The following ZNF709 variants were observed in gnomAD, a reference collection of about 807,000 sequenced individuals.
ZNF709 encodes the protein zinc finger protein 709.
Under a neutral mutation model 10.6 loss-of-function variants are expected in ZNF709, and 15 were observed. The observed-to-expected ratio is 1.41, with a 90% CI of 0.95 to 2.18. The LOEUF (loss-of-function observed/expected upper bound fraction) is 2.18. Among genes scored for constraint, ZNF709 ranks in the 30% most tolerant of loss-of-function variants. The pLI, the probability that ZNF709 is intolerant of heterozygous loss-of-function variation, is 0.00. For missense variants in ZNF709, 589 were observed against 774.0 expected (o/e 0.76, Z 2.84); for synonymous variants, 194 against 238.8 (o/e 0.81, Z 1.73).
chr19:12,478,609 G>A (rs1406942527), intron 1 of ZNF709, among the ~76,000 whole-genome samples: 3 of 152,200 alleles, frequency 2.0e-5, no homozygotes, highest in African/African-American at 4.8e-5. Flanking sequence ...TAATAACAGC[G>A]TGGAGAACAG....
intron 1 of ZNF709, among the ~76,000 whole-genome samples, chr19:12,474,034 C>T (rs1040047596): frequency 3.0e-4 from 45 of 152,094 alleles, no homozygotes; most frequent in East Asian, 1.9e-4. Context: ...TAATGGGGCA[C>T]GATCCCATCT....
chr19:12,477,765 T>C (rs1970688507), intron 1 of ZNF709, among the ~76,000 whole-genome samples: 1 of 152,214 alleles, frequency 6.6e-6, no homozygotes, highest in Admixed American at 6.5e-5. Context: ...TGGGTCAAAT[T>C]GTGGACCTCT....
Position 12,466,461 on chromosome 19 carries a change from C to A in ZNF709, c.188+1G>T. ...TATTTTCTTTTGTAAGTACAACTCA[C>A]CTTAGCTTTCTCCCCTGATTTTTGT... On this transcript the variant is annotated splice_donor_variant, in intron 3 of 3. Transcript: ENST00000397732. LOFTEE classifies it high-confidence loss of function. The A allele has an allele frequency of 1.2e-6, 2 of 1,613,850 alleles. No individual in the cohort carries two copies. Among genetic ancestry groups the A allele is most frequent in the Non-Finnish European group, 1.7e-6 (2 of 1,179,862 alleles).
chr19:12,469,724 G>A lies in ZNF709; in HGVS notation c.4-2874C>T, dbSNP rs140807687. 5.9e-3 allele frequency among the ~76,000 whole-genome samples: 894 copies of A among 152,022 alleles called. 7 individuals carry two copies. The highest frequency in any genetic ancestry group is 0.021 in the African/African-American group (851 of 41,428). ...GCAGAGCTTGCAGTGAGCCGAGATCGCACCACTGCACTCCAGCCTGGGTGA... is the reference window on the plus strand; with the variant it reads ...GCAGAGCTTGCAGTGAGCCGAGATCACACCACTGCACTCCAGCCTGGGTGA... On this transcript the variant is annotated intron_variant, in intron 1 of 3. Coordinates refer to ENST00000397732, the MANE Select transcript of ZNF709 (RefSeq NM_152601.4).
chr19:12,474,660 G>A (rs1436682759), intron 1 of ZNF709, among the ~76,000 whole-genome samples: 1 of 152,074 alleles, frequency 6.6e-6, no homozygotes, highest in Non-Finnish European at 1.5e-5. Context: ...AGTATACCAA[G>A]GTTCCCTTTT....
rs533353732 is a variant in ZNF709 at position 12,465,798 on chromosome 19, TATTG to T, written c.189-69_189-66del. 1,502 of 1,238,708 alleles carry T rather than the reference TATTG, an allele frequency of 1.2e-3. 3 individuals are homozygous for T. In the East Asian group the frequency reaches 0.013, roughly 10 times the overall value. The allele number at this position is 1,238,708 out of a possible 1,614,324, so 76.7% of individuals were successfully genotyped here. ...TTTTTAAAATTAATAATTTTATAATTATTGATTATTTCACAATCATTAGTAGGTA... is the reference window on the plus strand; with the variant it reads ...TTTTTAAAATTAATAATTTTATAATTATTATTTCACAATCATTAGTAGGTA... On this transcript the variant is annotated intron_variant, in intron 3 of 3. Transcript: ENST00000397732.
In ZNF709 at chr19:12,461,658, TAA is replaced by T. The variant is rs1041673176; in HGVS notation, c.*2336_*2337del. 2 of 152,196 alleles carry T rather than the reference TAA, an allele frequency of 1.3e-5. No homozygotes were observed. Among genetic ancestry groups the T allele is most frequent in the African/African-American group, 4.8e-5 (2 of 41,456 alleles). The allele number at this position is 152,196 out of a possible 1,614,324, so 9.4% of individuals were successfully genotyped here. A position where few individuals can be genotyped will look rare whatever the true frequency, so the allele number is the denominator to read the frequency against. On this transcript the variant is annotated 3_prime_UTR_variant, in exon 4 of 4. Coordinates refer to ENST00000397732, the MANE Select transcript of ZNF709 (RefSeq NM_152601.4). ...GAGCATCAGAGAATATTCCCAACCT[TAA>T]GAGTCTAAATGGTTGCCTGGTGGAC...
chr19:12,475,621 A>G (rs1970670227), intron 1 of ZNF709, among the ~76,000 whole-genome samples: 1 of 152,176 alleles, frequency 6.6e-6, no homozygotes, highest in Non-Finnish European at 1.5e-5. Flanking sequence ...GTGAGAAAAT[A>G]GATGCTTTCC....
Position 12,466,831 on chromosome 19 carries a change from T to G in ZNF709, c.23A>C (p.Asp8Ala), listed in dbSNP as rs1970575230. The change falls in exon 2 of 4, where the codon GAT (aspartate) becomes GCT (alanine). Residue 8 changes from aspartate to alanine, a missense_variant. Physicochemically the swap from Asp to Ala is moderately radical, Grantham distance 126. Coordinates refer to ENST00000397732, the MANE Select transcript of ZNF709 (RefSeq NM_152601.4). ...CTCCTGGGTGAAGTTCACAGCCACA[T>G]CCTCAAAGACCACTGAGTCCTGAAA... The part of the protein sequence containing the change: MDSVVFE[D>A]VAVNFTQEEW... The G allele has an allele frequency of 1.2e-6, 2 of 1,613,706 alleles. No homozygotes were observed. Among genetic ancestry groups the G allele is most frequent in the African/African-American group, 2.7e-5 (2 of 74,902 alleles).
At position 12,465,386 on chromosome 19, in the gene ZNF709, C is replaced by G; in HGVS notation, c.536G>C (p.Trp179Ser). The G allele has an allele frequency of 6.2e-7, 1 of 1,613,144 alleles. No individual in the cohort carries two copies. The highest frequency in any genetic ancestry group is 8.5e-7 in the Non-Finnish European group (1 of 1,179,768). ...KCKQCGKAFS[W>S]PSSFQIHERT... ...TTCATGTATTTGAAAGGAACTGGGC[C>G]AACTGAAAGCCTTACCACACTGTTT... The change falls in exon 4 of 4, where the codon TGG (tryptophan) becomes TCG (serine). Residue 179 changes from tryptophan to serine, a missense_variant. Around this residue, in one of 2 missense-constraint regions of ZNF709, gnomAD observed 418 missense variants for 496.3 expected, o/e 0.84. Transcript: ENST00000397732.
In ZNF709 at chr19:12,465,537, A is replaced by C. The variant is rs1970562745; in HGVS notation, c.385T>G (p.Ser129Ala). 1 of 1,612,838 alleles carries C rather than the reference A, an allele frequency of 6.2e-7. No individual in the cohort carries two copies. Reference sequence around the variant, plus strand: ...TCTCCATATTTGTGATATTCATATGATCTATGTTCAGTATGAGATCTCATG... The same window carrying C: ...TCTCCATATTTGTGATATTCATATGCTCTATGTTCAGTATGAGATCTCATG... ...RHMRSHTEHR[S>A]YEYHKYGEKS... The change falls in exon 4 of 4, where the codon TCA becomes GCA. Residue 129 changes from serine (S) to alanine (A), a missense_variant. Transcript: ENST00000397732.
chr19:12,466,170 A>C (rs868843653), intron 3 of ZNF709, among the ~76,000 whole-genome samples: 1 of 152,054 alleles, frequency 6.6e-6, no homozygotes, highest in South Asian at 2.1e-4. Context: ...CAACCTCCAC[A>C]CCTCAGGTGA....
intron 1 of ZNF709, among the ~76,000 whole-genome samples, chr19:12,469,381 C>A (rs144557828): frequency 9.9e-5 from 15 of 152,262 alleles, no homozygotes; most frequent in African/African-American, 3.4e-4. Flanking sequence ...CCCAGTGTTT[C>A]TTTTTTCTCC....
At chr19:12,467,724 T>C (rs1441108345) in intron 1 of ZNF709, among the ~76,000 whole-genome samples, 2 of 147,386 alleles carry the variant, frequency 1.4e-5, no homozygotes, top group African/African-American at 2.5e-5. Context: ...GCCCATCGTC[T>C]GAGAGGTGGG....
Position 12,465,675 on chromosome 19 carries a change from T to C in ZNF709, c.247A>G (p.Ile83Val). Residue 83 changes from isoleucine (I) to valine (V), a missense_variant, in exon 4 of 4, where the codon ATC becomes GTC. Physicochemically the swap from Ile to Val is conservative, Grantham distance 29 (BLOSUM62 3). Coordinates refer to ENST00000397732, the MANE Select transcript of ZNF709 (RefSeq NM_152601.4). ...RKEGSQFGET[I>V]SQTPNPKPNK... ...GGTTTAGGATTTGGAGTCTGACTGATGGTTTCTCCAAACTGACTACCTTCT... is the reference window on the plus strand; with the variant it reads ...GGTTTAGGATTTGGAGTCTGACTGACGGTTTCTCCAAACTGACTACCTTCT... 1 of 1,610,348 alleles carries C rather than the reference T, an allele frequency of 6.2e-7. No homozygotes were observed. The highest frequency in any genetic ancestry group is 8.5e-7 in the Non-Finnish European group (1 of 1,178,848).
At chr19:12,468,371 A>T (rs1167986373) in intron 1 of ZNF709, among the ~76,000 whole-genome samples, 1 of 151,982 alleles carries the variant, frequency 6.6e-6, no homozygotes, top group Non-Finnish European at 1.5e-5. Context: ...CTGCCTTGGG[A>T]TCCTGTTGAT....
intron 1 of ZNF709, among the ~76,000 whole-genome samples, chr19:12,479,139 C>T (rs1970700121): frequency 6.6e-6 from 1 of 151,958 alleles, no homozygotes; most frequent in Admixed American, 6.6e-5. Context: ...TCCATCACTA[C>T]AAAAAATTTA....
intron 1 of ZNF709, among the ~76,000 whole-genome samples, chr19:12,471,383 T>C (rs143041153): frequency 2.0e-4 from 31 of 152,214 alleles, no homozygotes; most frequent in African/African-American, 7.5e-4. Flanking sequence ...GATATCTTTA[T>C]AAAATTCTAC....
rs1008777422 is a variant in ZNF709 at position 12,464,048 on chromosome 19, A to G, written c.1874T>C (p.Phe625Ser). 1 of 1,529,922 alleles carries G rather than the reference A, an allele frequency of 6.5e-7. No individual in the cohort carries two copies. Among genetic ancestry groups the G allele is most frequent in the African/African-American group, 1.4e-5 (1 of 72,368 alleles). 94.8% of individuals were successfully genotyped at this position (1,529,922 alleles called of 1,614,324 possible). The change falls in exon 4 of 4, where the codon TTC becomes TCC. Residue 625 changes from phenylalanine to serine, a missense_variant. Around this residue, in one of 2 missense-constraint regions of ZNF709, gnomAD observed 171 missense variants for 277.7 expected, o/e 0.62. Transcript: ENST00000397732. Reference protein sequence around the residue: ...PYACQQCGKAFKCSRSFRIHE... With the variant: ...PYACQQCGKASKCSRSFRIHE... ...TATTCGAAAGGAACGGGAACACTTG[A>G]AGGCTTTACCACATTGTTGACATGC...
Sources: allele counts gnomAD v4.1 joint callset (sites outside exome capture counted in the v4.1 genomes callset), GRCh38; gene constraint gnomAD v4.1.1; regional missense constraint gnomAD v4.1.1; transcripts MANE v1.5; gene names NCBI Gene and HGNC (gene_info 2026-07-23, HGNC 2026-07-21).